TOP1MT: variants seen among roughly 807,000 people sequenced by gnomAD.
The protein encoded by TOP1MT is DNA topoisomerase I mitochondrial.
A neutral mutation model predicts 73.9 loss-of-function variants in TOP1MT; 80 were observed. That is an observed-to-expected ratio of 1.08 (90% CI 0.90 to 1.30). The LOEUF (loss-of-function observed/expected upper bound fraction) is 1.30, where lower values mean the gene tolerates loss of function less well. Among genes scored for constraint, TOP1MT ranks in the 50% most tolerant of loss-of-function variants. The probability of loss-of-function intolerance (pLI) is 0.00; values close to 1 mark genes in which losing one functional copy is unlikely to be tolerated. For missense variants in TOP1MT, 815 were observed against 808.0 expected, an observed-to-expected ratio of 1.01 and a Z score of -0.10; for synonymous variants, 338 against 326.4, an observed-to-expected ratio of 1.04 and a Z score of -0.38.
chr8:143,343,334 G>A, intron 1 of TOP1MT: 1 of 450,232 alleles, frequency 2.2e-6, no homozygotes, highest in Non-Finnish European at 4.5e-6. Flanking sequence ...GGCTCATTTA[G>A]GGTTGCCATT....
At chr8:143,310,335 C>T (rs898049728) in intron 12 of TOP1MT, 118 bp from the exon 13 acceptor site, 17 of 743,070 alleles carry the variant, frequency 2.3e-5, no homozygotes, top group Non-Finnish European at 3.1e-5. Flanking sequence ...CTGTCATTGT[C>T]ATCAGTCATC....
chr8:143,359,420 G>T (rs969036825), upstream of TOP1MT: 18 of 985,334 alleles, frequency 1.8e-5, no homozygotes, highest in Non-Finnish European at 2.0e-5. Flanking sequence ...GCAGAAGACA[G>T]AGCGGAATCC....
In TOP1MT at chr8:143,341,844, T is replaced by TCCC. The variant is rs1026445433; in HGVS notation, c.29+1375_29+1376insGGG. On this transcript the variant is annotated intron_variant, in intron 2 of 5. Coordinates refer to the TOP1MT transcript ENST00000518007. The surrounding 1 kb of genome is among the most constrained non-coding windows in gnomAD (Gnocchi z 4.1). ...TCTTCCTTCTTCTTCCTCTTCTTCC[T>TCCC]CCTCCTCCTCCTTCCTCTTTCTCCT... Among the ~76,000 whole-genome samples, 8 of 149,168 alleles carry TCCC rather than the reference T, an allele frequency of 5.4e-5. No homozygotes were observed. Among genetic ancestry groups the TCCC allele is most frequent in the Admixed American group, 4.6e-4 (7 of 15,160 alleles).
At chr8:143,331,180 G>A in intron 2 of TOP1MT, 44 bp downstream of exon 2, 1 of 1,503,316 alleles carries the variant, frequency 6.7e-7, no homozygotes, top group Non-Finnish European at 9.1e-7. Context: ...CACGCCCAGG[G>A]AACCAAGCGC....
chr8:143,322,956 A>G (rs1285633364), intron 7 of TOP1MT, among the ~76,000 whole-genome samples: 2 of 95,348 alleles, frequency 2.1e-5, no homozygotes, highest in South Asian at 3.4e-4. Flanking sequence ...CACACGCCAC[A>G]CACGCACGCC....
At chr8:143,355,158 C>T (rs927312835) in intron 1 of TOP1MT, among the ~76,000 whole-genome samples, 1 of 152,202 alleles carries the variant, frequency 6.6e-6, no homozygotes, top group Non-Finnish European at 1.5e-5. Context: ...GATGACCCAG[C>T]TCCTCACCAG....
chr8:143,339,102 A>T (rs1817030072), upstream of TOP1MT, among the ~76,000 whole-genome samples: 1 of 152,232 alleles, frequency 6.6e-6, no homozygotes, highest in African/African-American at 2.4e-5. Flanking sequence ...CTCCAAGGCT[A>T]TGCAGGGACT....
chr8:143,357,306 G>T (rs1205583515), upstream of TOP1MT, among the ~76,000 whole-genome samples: 1 of 151,826 alleles, frequency 6.6e-6, no homozygotes, highest in Non-Finnish European at 1.5e-5. Flanking sequence ...CAGCTACTCA[G>T]GAGGCTGAGG....
At chr8:143,316,969 C>G (rs947736612) in intron 10 of TOP1MT, among the ~76,000 whole-genome samples, 1 of 152,246 alleles carries the variant, frequency 6.6e-6, no homozygotes, top group Non-Finnish European at 1.5e-5. Context: ...CCGCATCCCA[C>G]AGCCCCAGTG....
intron 2 of TOP1MT, among the ~76,000 whole-genome samples, chr8:143,340,828 G>A (rs1447913239): frequency 6.6e-6 from 1 of 152,080 alleles, no homozygotes; most frequent in African/African-American, 2.4e-5. Flanking sequence ...TACCTAATTT[G>A]TCACTTTCTT....
intron 9 of TOP1MT, 29 bp from the exon 10 acceptor site, chr8:143,317,866 C>G: frequency 6.2e-7 from 1 of 1,610,672 alleles, no homozygotes; most frequent in South Asian, 1.1e-5. Flanking sequence ...TCTATAATTA[C>G]GTGGTTTTGC....
chr8:143,347,856 G>A (rs901990047), upstream of TOP1MT, among the ~76,000 whole-genome samples: 5 of 152,212 alleles, frequency 3.3e-5, no homozygotes, highest in Admixed American at 2.0e-4. Flanking sequence ...GCCAGGCCTC[G>A]AAGCTCAGGC....
chr8:143,317,866 C>A, intron 9 of TOP1MT, 29 bp from the exon 10 acceptor site: 1 of 1,610,672 alleles, frequency 6.2e-7, no homozygotes. Context: ...TCTATAATTA[C>A]GTGGTTTTGC....
intron 8 of TOP1MT, among the ~76,000 whole-genome samples, chr8:143,319,873 G>A (rs776416319): frequency 6.7e-5 from 10 of 150,280 alleles, no homozygotes; most frequent in South Asian, 2.1e-4. Flanking sequence ...TGCCTGTAAT[G>A]CCAGCACTCT....
chr8:143,351,931 A>C (rs1181492993), intron 1 of TOP1MT, among the ~76,000 whole-genome samples: 3 of 152,168 alleles, frequency 2.0e-5, no homozygotes, highest in African/African-American at 7.2e-5. Flanking sequence ...TAAAAATACA[A>C]AATTAGCTGA....
upstream of TOP1MT, among the ~76,000 whole-genome samples, chr8:143,338,485 T>C (rs1268153545): frequency 6.6e-6 from 1 of 151,820 alleles, no homozygotes; most frequent in Non-Finnish European, 1.5e-5. Flanking sequence ...GAGAATCACT[T>C]GAACCCGGGA....
chr8:143,321,370 C>T lies in TOP1MT; in HGVS notation c.977G>A (p.Gly326Glu). 6.3e-7 allele frequency: 1 copy of T among 1,589,454 alleles called. No individual in the cohort carries two copies. The highest frequency in any genetic ancestry group is 8.6e-7 in the Non-Finnish European group (1 of 1,162,206). The part of the protein sequence containing the change: ...YFIDKLALRA[G>E]NEKEDGEAAD... ...CGCCTCACCGTCCTCCTTCTCATTT[C>T]CTGCTCTCAGTGCCAGCTAGTTGGT... is the stretch of plus-strand genomic sequence containing the variant. Residue 326 changes from glycine to glutamate, a missense_variant, in exon 8 of 14, where the codon GGA becomes GAA. Coordinates refer to ENST00000329245, the MANE Select transcript of TOP1MT (RefSeq NM_052963.3).
In TOP1MT at chr8:143,315,980, C is replaced by A. The variant is rs1055653307; in HGVS notation, c.1458+19G>T. The stretch of plus-strand genomic sequence containing the variant: ...GGTCCCTTGAGGGCTGGGCTGGGGG[C>A]TCTCCTGGGAGCTGCTACCTTCGTC... On this transcript the variant is annotated intron_variant, in intron 11 of 13. Transcript: ENST00000329245. The A allele has an allele frequency of 1.1e-5, 18 of 1,614,060 alleles. No homozygotes were observed. Among genetic ancestry groups the A allele is most frequent in the Non-Finnish European group, 1.5e-5 (18 of 1,179,966 alleles).
chr8:143,323,080 CCA>C (rs201594682), intron 7 of TOP1MT, among the ~76,000 whole-genome samples: 1 of 136,820 alleles, frequency 7.3e-6, no homozygotes, highest in Non-Finnish European at 1.6e-5. Context: ...CACACGCACG[CCA>C]CACACAGGCA....
Sources: allele counts gnomAD v4.1 joint callset (sites outside exome capture counted in the v4.1 genomes callset), GRCh38; gene constraint gnomAD v4.1.1; non-coding constraint Gnocchi (gnomAD v3.1); transcripts MANE v1.5; gene names NCBI Gene and HGNC (gene_info 2026-07-23, HGNC 2026-07-21).